DRC8: variants seen among roughly 807,000 people sequenced by gnomAD.
DRC8 encodes the protein dynein regulatory complex subunit 8.
chr1:245,096,731 A>G, the DRC8 span, among the ~76,000 whole-genome samples: 7 of 152,356 alleles, frequency 4.6e-5, no homozygotes, highest in East Asian at 1.2e-3. Flanking sequence ...TCTGCTGCCA[A>G]TACTGGGGGG....
the DRC8 span, among the ~76,000 whole-genome samples, chr1:244,990,450 T>G: frequency 6.6e-6 from 1 of 152,216 alleles, no homozygotes; most frequent in African/African-American, 2.4e-5. Context: ...GACTTATCCC[T>G]CGTGGATAAG....
the DRC8 span, among the ~76,000 whole-genome samples, chr1:245,094,665 A>G: frequency 7.2e-5 from 11 of 152,220 alleles, no homozygotes; most frequent in African/African-American, 2.7e-4. Context: ...CGTTCCCTGC[A>G]GGGGCACCTC....
At chr1:244,973,884 C>G in the DRC8 span, among the ~76,000 whole-genome samples, 25 of 152,212 alleles carry the variant, frequency 1.6e-4, 2 homozygotes, top group East Asian at 4.8e-3. Context: ...CTATTGTGCT[C>G]ATAAAATTTT....
the DRC8 span, among the ~76,000 whole-genome samples, chr1:245,077,778 A>G: frequency 6.6e-6 from 1 of 152,198 alleles, no homozygotes; most frequent in African/African-American, 2.4e-5. Flanking sequence ...CTAGAAGAAA[A>G]CATAGGGAAA....
chr1:245,008,715 C>T, the DRC8 span, among the ~76,000 whole-genome samples: 2 of 146,906 alleles, frequency 1.4e-5, no homozygotes, highest in Non-Finnish European at 3.0e-5. Context: ...ATCCTTCAGG[C>T]TGCAGTGCAG....
At chr1:245,020,495 G>A in the DRC8 span, among the ~76,000 whole-genome samples, 1 of 151,752 alleles carries the variant, frequency 6.6e-6, no homozygotes, top group Non-Finnish European at 1.5e-5. Context: ...TTCTCAGAGT[G>A]CCCCCAAGAC....
At chr1:245,118,795 A>AAAAAG in the DRC8 span, among the ~76,000 whole-genome samples, 15,213 of 138,406 alleles carry the variant, frequency 0.11, 999 homozygotes, top group Non-Finnish European at 0.14. Flanking sequence ...GCCATCTCAA[A>AAAAAG]AAAAGAAAAG....
chr1:245,082,535 T>C, the DRC8 span, among the ~76,000 whole-genome samples: 7 of 152,254 alleles, frequency 4.6e-5, no homozygotes, highest in African/African-American at 1.4e-4. Flanking sequence ...CCCAGATAAA[T>C]TGATGTCCAA....
At chr1:245,078,298 T>G in the DRC8 span, among the ~76,000 whole-genome samples, 1 of 152,100 alleles carries the variant, frequency 6.6e-6, no homozygotes, top group Non-Finnish European at 1.5e-5. Context: ...AAAATAGAAT[T>G]ACCATATCAT....
chr1:245,029,764 T>A, the DRC8 span, among the ~76,000 whole-genome samples: 1 of 151,828 alleles, frequency 6.6e-6, no homozygotes, highest in Non-Finnish European at 1.5e-5. Context: ...CCTGGCCAAT[T>A]TTTGTATTTT....
chr1:245,037,849 C>T, the DRC8 span, among the ~76,000 whole-genome samples: 3 of 151,814 alleles, frequency 2.0e-5, no homozygotes, highest in Non-Finnish European at 2.9e-5. Context: ...ACAAACAATG[C>T]CCAGTTGGAT....
chr1:245,078,078 A>G, the DRC8 span, among the ~76,000 whole-genome samples: 208 of 152,334 alleles, frequency 1.4e-3, no homozygotes, highest in African/African-American at 4.6e-3. Flanking sequence ...AAGGTGATGT[A>G]CAAATGTCCA....
At chr1:245,116,242 G>T in the DRC8 span, among the ~76,000 whole-genome samples, 1 of 152,000 alleles carries the variant, frequency 6.6e-6, no homozygotes, top group Non-Finnish European at 1.5e-5. Flanking sequence ...GCCAGGTGTG[G>T]TTACTCACAC....
the DRC8 span, among the ~76,000 whole-genome samples, chr1:245,056,008 G>A: frequency 4.4e-3 from 672 of 152,246 alleles, 1 homozygote; most frequent in African/African-American, 0.015. Flanking sequence ...GCCTCCAGCC[G>A]TCCTCCTGCC....
chr1:245,072,100 T>C, the DRC8 span, among the ~76,000 whole-genome samples: 1 of 152,226 alleles, frequency 6.6e-6, no homozygotes, highest in Non-Finnish European at 1.5e-5. Flanking sequence ...TGAAAATTTA[T>C]GGCCACACAG....
At chr1:244,970,287 A>C in the DRC8 span, 9 of 749,954 alleles carry the variant, frequency 1.2e-5, no homozygotes, top group Non-Finnish European at 2.0e-5. Flanking sequence ...GCCCCGCCCA[A>C]GGGTCTTCCT....
chr1:245,000,926 T>C, the DRC8 span, among the ~76,000 whole-genome samples: 15 of 151,988 alleles, frequency 9.9e-5, no homozygotes, highest in Non-Finnish European at 1.8e-4. Flanking sequence ...GGAAGGAAGA[T>C]TGGGCTTATG....
the DRC8 span, among the ~76,000 whole-genome samples, chr1:245,076,334 G>A: frequency 3.3e-5 from 5 of 152,174 alleles, no homozygotes; most frequent in Non-Finnish European, 5.9e-5. Context: ...TAGGTTACTG[G>A]TCCCCCTGTT....
the DRC8 span, among the ~76,000 whole-genome samples, chr1:245,003,456 A>C: frequency 6.6e-6 from 1 of 152,272 alleles, no homozygotes; most frequent in African/African-American, 2.4e-5. Context: ...CCAAGGTCTC[A>C]CAGCTAGTAC....
Sources: allele counts gnomAD v4.1 joint callset (sites outside exome capture counted in the v4.1 genomes callset), GRCh38; gene constraint gnomAD v4.1.1; transcripts MANE v1.5; gene names NCBI Gene and HGNC (gene_info 2026-07-23, HGNC 2026-07-21).